IL1B: variants seen among roughly 807,000 people sequenced by gnomAD.
IL1B encodes interleukin-1 beta.
Under a neutral mutation model 26.2 loss-of-function variants are expected in IL1B, and 11 were observed. The ratio of observed to expected loss-of-function variants is 0.42; its 90% CI spans 0.26 to 0.70. The LOEUF (loss-of-function observed/expected upper bound fraction) is 0.70. Ranked by LOEUF, IL1B falls within the 30% of genes least tolerant of loss-of-function variation. The pLI, the probability that IL1B is intolerant of heterozygous loss-of-function variation, is 0.25. For synonymous variants in IL1B, 118 were observed against 120.8 expected, an observed-to-expected ratio of 0.98 and a Z score of 0.15; for missense variants, 255 against 327.5, an observed-to-expected ratio of 0.78 and a Z score of 1.71.
intron 5 of IL1B, among the ~76,000 whole-genome samples, chr2:112,831,752 G>C (rs1681989069): frequency 6.6e-6 from 1 of 152,196 alleles, no homozygotes; most frequent in Non-Finnish European, 1.5e-5. Context: ...CCCATCCACA[G>C]GAGCGGAACA....
rs758822761 is a variant in IL1B at position 112,831,331 on chromosome 2, G to C, written c.558C>G (p.Ser186=). The change falls in exon 6 of 7, where the codon TCC becomes TCG. Residue 186 remains serine (S), a synonymous_variant. Coordinates refer to ENST00000263341, the MANE Select transcript of IL1B (RefSeq NM_000576.3). ...TGGGCTTATCATCTTTCAACACGCA[G>C]GACAGGTACAGATTCTTTTCCTTGA... is the stretch of plus-strand genomic sequence containing the variant. The part of the protein sequence containing the change: ...LGLKEKNLYL[S]CVLKDDKPTL... The C allele has an allele frequency of 1.2e-6, 2 of 1,613,996 alleles. No individual in the cohort carries two copies. The highest frequency in any genetic ancestry group is 1.7e-6 in the Non-Finnish European group (2 of 1,179,948).
chr2:112,830,257 A>T lies in IL1B; in HGVS notation c.*104T>A, dbSNP rs964283071. On this transcript the variant is annotated 3_prime_UTR_variant, in exon 7 of 7. Transcript: ENST00000263341. ...GTTGGGCATTGGTGTAGACAACAGG[A>T]AAGTCCAGGCTATAGCCGTACTCAA... is the stretch of plus-strand genomic sequence containing the variant. 6 of 954,150 alleles carry T rather than the reference A, an allele frequency of 6.3e-6. No individual in the cohort carries two copies. The East Asian group carries it at 9.6e-5, about 15-fold the overall frequency. 59.1% of individuals were successfully genotyped at this position (954,150 alleles called of 1,614,324 possible). A position where few individuals can be genotyped will look rare whatever the true frequency, so the allele number is the denominator to read the frequency against.
At chr2:112,835,513 T>C (rs527929464) in intron 3 of IL1B, 53 bp downstream of exon 3, 222 of 1,451,060 alleles carry the variant, frequency 1.5e-4, no homozygotes, top group Non-Finnish European at 1.8e-4. Flanking sequence ...TTCTTTGAGC[T>C]TTCCCTGTGT....
chr2:112,830,372 C>G lies in IL1B; in HGVS notation c.799G>C (p.Val267Leu), dbSNP rs1420931740. The G allele has an allele frequency of 1.9e-6, 3 of 1,613,990 alleles. No homozygotes were observed. Among genetic ancestry groups the G allele is most frequent in the Non-Finnish European group, 2.5e-6 (3 of 1,179,876 alleles). The change falls in exon 7 of 7, where the codon GTG becomes CTG. Residue 267 changes from valine (V) to leucine (L), a missense_variant. Transcript: ENST00000263341. Reference sequence around the variant, plus strand: ...GGGTACAGCTCTCTTTAGGAAGACACAAATTGCATGGTGAAGTCAGTTATA... The same window carrying G: ...GGGTACAGCTCTCTTTAGGAAGACAGAAATTGCATGGTGAAGTCAGTTATA... ...QDITDFTMQFVSS is the reference protein window; with the variant it reads ...QDITDFTMQFLSS
chr2:112,832,751 A>T lies in IL1B; in HGVS notation c.377T>A (p.Leu126His). ...CAAGCTTTTTTGCTGTGAGTCCCGGAGCGTGCAGTTCAGTGATCGTACAGG... is the reference window on the plus strand; with the variant it reads ...CAAGCTTTTTTGCTGTGAGTCCCGGTGCGTGCAGTTCAGTGATCGTACAGG... ...DAPVRSLNCT[L>H]RDSQQKSLVM... The change falls in exon 5 of 7, where the codon CTC (leucine) becomes CAC (histidine). Residue 126 changes from leucine (L) to histidine (H), a missense_variant. Physicochemically the swap from Leu to His is moderately conservative, Grantham distance 99. Coordinates refer to ENST00000263341, the MANE Select transcript of IL1B (RefSeq NM_000576.3). The T allele has an allele frequency of 6.2e-7, 1 of 1,614,138 alleles. No homozygotes were observed. Among genetic ancestry groups the T allele is most frequent in the Non-Finnish European group, 8.5e-7 (1 of 1,180,016 alleles).
intron 5 of IL1B, 83 bp from the exon 6 acceptor site, chr2:112,831,505 T>C (rs1382190247): frequency 6.6e-7 from 1 of 1,519,882 alleles, no homozygotes. Flanking sequence ...GTAGGATACA[T>C]GTAATTTGGT....
chr2:112,833,085 T>G, intron 4 of IL1B: 3 of 603,650 alleles, frequency 5.0e-6, no homozygotes, highest in Non-Finnish European at 8.8e-6. Context: ...ATGGTGATGG[T>G]CATAACACTA....
At position 112,831,374 on chromosome 2, in the gene IL1B, A is replaced by G. The variant is rs1200624654; in HGVS notation, c.515T>C (p.Ile172Thr). Residue 172 changes from isoleucine (I) to threonine (T), a missense_variant, in exon 6 of 7, where the codon ATA (isoleucine) becomes ACA (threonine). Coordinates refer to ENST00000263341, the MANE Select transcript of IL1B (RefSeq NM_000576.3). ...TTCCTTGAGGCCCAAGGCCACAGGT[A>G]TTTTGTCATTACTTTCTTCTCCTTG... ...FVQGEESNDK[I>T]PVALGLKEKN... 3 of 1,613,808 alleles carry G rather than the reference A, an allele frequency of 1.9e-6. No individual in the cohort carries two copies. Among genetic ancestry groups the G allele is most frequent in the African/African-American group, 1.3e-5 (1 of 74,884 alleles).
intron 3 of IL1B, 145 bp downstream of exon 3, chr2:112,835,421 T>C: frequency 1.4e-6 from 1 of 716,280 alleles, no homozygotes; most frequent in South Asian, 1.5e-5. Flanking sequence ...GGTCAGCAAG[T>C]GGTGCAGCCT....
rs1005842711 is a variant in IL1B at position 112,833,004 on chromosome 2, A to G, written c.302-178T>C. 9 of 675,560 alleles carry G rather than the reference A, an allele frequency of 1.3e-5. No homozygotes were observed. In the African/African-American group the frequency reaches 1.4e-4, roughly 11 times the overall value. The allele number at this position is 675,560 out of a possible 1,614,324, so 41.8% of individuals were successfully genotyped here. A position where few individuals can be genotyped will look rare whatever the true frequency, so the allele number is the denominator to read the frequency against. ...GGCTAAGAACACTGGACCTGACACT[A>G]TTAGACATGGGTTCCAGCTTCAGGT... On this transcript the variant is annotated intron_variant, in intron 4 of 6. Coordinates refer to ENST00000263341, the MANE Select transcript of IL1B (RefSeq NM_000576.3).
chr2:112,833,440 C>T lies in IL1B; in HGVS notation c.235G>A (p.Val79Ile). ...VAMDKLRKML[V>I]PCPQTFQEND... ...TCCTGGAAGGTCTGTGGGCAGGGAA[C>T]CAGCATCTTCCTCAGCTTGTCCATG... Residue 79 changes from valine (V) to isoleucine (I), a missense_variant, in exon 4 of 7, where the codon GTT (valine) becomes ATT (isoleucine). Transcript: ENST00000263341. 1.9e-6 allele frequency: 3 copies of T among 1,614,176 alleles called. No homozygotes were observed. The highest frequency in any genetic ancestry group is 2.5e-6 in the Non-Finnish European group (3 of 1,180,030).
At chr2:112,832,323 A>T (rs187410053) in intron 5 of IL1B, among the ~76,000 whole-genome samples, 1 of 152,196 alleles carries the variant, frequency 6.6e-6, no homozygotes, top group Admixed American at 6.5e-5. Flanking sequence ...CCTCAACAAC[A>T]GGAAGAGAGA....
At chr2:112,832,618 G>T in intron 5 of IL1B, 44 bp downstream of exon 5, 1 of 1,569,404 alleles carries the variant, frequency 6.4e-7, no homozygotes, top group Non-Finnish European at 8.8e-7. Flanking sequence ...GAATTAGCAA[G>T]CTGCCAGGAG....
At chr2:112,831,460 C>A (rs750544535) in intron 5 of IL1B, 38 bp from the exon 6 acceptor site, 3 of 1,609,854 alleles carry the variant, frequency 1.9e-6, no homozygotes, top group Non-Finnish European at 1.7e-6. Flanking sequence ...AGGGACACAG[C>A]AGTGCAGGGT....
chr2:112,834,004 C>A (rs1682041700), intron 3 of IL1B, among the ~76,000 whole-genome samples: 1 of 151,654 alleles, frequency 6.6e-6, no homozygotes, highest in Non-Finnish European at 1.5e-5. Context: ...TAAAACAAAA[C>A]AAAACAAAAC....
chr2:112,833,278 A>C, intron 4 of IL1B, 96 bp downstream of exon 4: 1 of 1,212,928 alleles, frequency 8.2e-7, no homozygotes, highest in Non-Finnish European at 1.2e-6. Flanking sequence ...TTCTACCTTT[A>C]AAGGGCTTTG....
intron 2 of IL1B, 81 bp from the exon 3 acceptor site, chr2:112,835,698 G>T: frequency 8.0e-7 from 1 of 1,246,682 alleles, no homozygotes; most frequent in Non-Finnish European, 1.2e-6. Context: ...AGACTTGACT[G>T]TTCATAAGAA....
rs1026902200 is a variant in IL1B, at chr2:112,830,676, A to T, written c.598-103T>A. The T allele has an allele frequency of 6.0e-5, 49 of 820,352 alleles. 1 individual carries two copies. In the South Asian group the frequency reaches 6.7e-4, roughly 11 times the overall value. The allele number at this position is 820,352 out of a possible 1,614,324, so 50.8% of individuals were successfully genotyped here. ...CAGAAAGGAAACTGACGAGCAGGTC[A>T]CATGATCAGGAGCCAGACTCCTGAG... On this transcript the variant is annotated intron_variant, in intron 6 of 6. Coordinates refer to ENST00000263341, the MANE Select transcript of IL1B (RefSeq NM_000576.3).
chr2:112,834,889 C>T (rs1429124089), intron 3 of IL1B, among the ~76,000 whole-genome samples: 1 of 152,186 alleles, frequency 6.6e-6, no homozygotes, highest in Non-Finnish European at 1.5e-5. Context: ...TAACATGGCT[C>T]TTTGTAAGGA....
Sources: allele counts gnomAD v4.1 joint callset (sites outside exome capture counted in the v4.1 genomes callset), GRCh38; gene constraint gnomAD v4.1.1; transcripts MANE v1.5; gene names NCBI Gene and HGNC (gene_info 2026-07-23, HGNC 2026-07-21).